TEAD1: variants seen among roughly 807,000 people sequenced by gnomAD.
TEAD1 encodes transcriptional enhancer factor TEF-1.
TEAD1 carries 9 observed loss-of-function variants against 54.9 expected under a neutral mutation model. That is an observed-to-expected ratio of 0.16 (90% confidence interval 0.10 to 0.29). The LOEUF is 0.29. Among genes scored for constraint, TEAD1 ranks in the 10% least tolerant of loss-of-function variants. The pLI is 1.00. For synonymous variants in TEAD1, 200 were observed against 187.8 expected (o/e 1.07, Z -0.53); for missense variants, 387 against 535.9 (o/e 0.72, Z 2.74).
At chr11:12,910,187 C>T (rs1044747474) in intron 10 of TEAD1, among the ~76,000 whole-genome samples, 1 of 152,104 alleles carries the variant, frequency 6.6e-6, no homozygotes, top group Non-Finnish European at 1.5e-5. Context: ...TCATGCATCC[C>T]GAAGGACAAA....
chr11:12,716,469 T>C (rs931638940), intron 2 of TEAD1, among the ~76,000 whole-genome samples: 6 of 152,194 alleles, frequency 3.9e-5, no homozygotes, highest in African/African-American at 9.6e-5. Flanking sequence ...CTTTTTATTT[T>C]CCCCCCAGAC....
At chr11:12,834,334 C>G (rs1360845373) in intron 3 of TEAD1, among the ~76,000 whole-genome samples, 1 of 152,172 alleles carries the variant, frequency 6.6e-6, no homozygotes. Context: ...TCCATGGAAA[C>G]TTTGGACTTG....
chr11:12,734,506 T>G (rs1186075671), intron 2 of TEAD1, among the ~76,000 whole-genome samples: 5 of 152,216 alleles, frequency 3.3e-5, no homozygotes, highest in Non-Finnish European at 5.9e-5. Context: ...GCCTTCACAT[T>G]CACTCACCAC....
chr11:12,841,221 TTA>T (rs1208927818), intron 3 of TEAD1, among the ~76,000 whole-genome samples: 10 of 152,350 alleles, frequency 6.6e-5, no homozygotes, highest in African/African-American at 2.4e-4. Context: ...CCTGCGTCTC[TTA>T]TACACCATGG....
chr11:12,921,102 T>C (rs950725798), intron 10 of TEAD1: 2 of 152,224 alleles, frequency 1.3e-5, no homozygotes, highest in African/African-American at 4.8e-5. Flanking sequence ...ACCTAAGTGC[T>C]GAATATCTCT....
chr11:12,761,226 G>A (rs184326440), intron 2 of TEAD1, among the ~76,000 whole-genome samples: 45 of 152,274 alleles, frequency 3.0e-4, no homozygotes, highest in Admixed American at 6.5e-4. Flanking sequence ...AATAAGAAGA[G>A]GTTGTCTGCA....
At chr11:12,715,539 C>T (rs1479884251) in intron 2 of TEAD1, among the ~76,000 whole-genome samples, 1 of 151,938 alleles carries the variant, frequency 6.6e-6, no homozygotes, top group East Asian at 1.9e-4. Flanking sequence ...TTCTGGAAGC[C>T]GCAGCAGGCT....
intron 9 of TEAD1, among the ~76,000 whole-genome samples, chr11:12,885,706 A>G (rs1948073398): frequency 6.6e-6 from 1 of 152,186 alleles, no homozygotes; most frequent in South Asian, 2.1e-4. Context: ...TCTTTTTTTA[A>G]AAGAAATTAA....
intron 2 of TEAD1, among the ~76,000 whole-genome samples, chr11:12,749,005 G>A (rs766624670): frequency 5.3e-5 from 8 of 152,156 alleles, no homozygotes; most frequent in East Asian, 1.9e-4. Context: ...GAGAGGAGGC[G>A]GTGGGATTCT....
At chr11:12,817,720 G>C (rs983469491) in intron 3 of TEAD1, among the ~76,000 whole-genome samples, 1 of 152,112 alleles carries the variant, frequency 6.6e-6, no homozygotes, top group Non-Finnish European at 1.5e-5. Context: ...CTTGCAATGG[G>C]ACCAAACTAT....
chr11:12,818,070 G>T (rs1946453214), intron 3 of TEAD1, among the ~76,000 whole-genome samples: 1 of 152,174 alleles, frequency 6.6e-6, no homozygotes, highest in African/African-American at 2.4e-5. Context: ...ATAGGAAATT[G>T]GGAGACATGC....
intron 2 of TEAD1, among the ~76,000 whole-genome samples, chr11:12,710,575 A>T (rs1014552070): frequency 7.2e-5 from 11 of 152,146 alleles, no homozygotes; most frequent in African/African-American, 2.2e-4. Flanking sequence ...CATTTATTTA[A>T]TAAAGAGGGA....
At position 12,943,886 on chromosome 11, in the gene TEAD1, C is replaced by T. The variant is rs1261871738; in HGVS notation, c.*6664C>T. 2 of 150,816 alleles carry T rather than the reference C, an allele frequency of 1.3e-5. No individual in the cohort carries two copies. The highest frequency in any genetic ancestry group is 2.9e-5 in the Non-Finnish European group (2 of 67,842). The allele number at this position is 150,816 out of a possible 1,614,324, so 9.3% of individuals were successfully genotyped here. ...TTCTGTAGGCCTTTTTCAATAGGCT[C>T]ATGACTGCAGACAAGGAAAAAAAAA... On this transcript the variant is annotated 3_prime_UTR_variant, in exon 13 of 13. Coordinates refer to ENST00000527636, the MANE Select transcript of TEAD1 (RefSeq NM_021961.6).
intron 3 of TEAD1, among the ~76,000 whole-genome samples, chr11:12,812,082 T>TA (rs1484846564): frequency 2.6e-5 from 4 of 152,154 alleles, no homozygotes; most frequent in East Asian, 1.9e-4. Flanking sequence ...CACAGAGAGT[T>TA]ATGCACCATT....
intron 3 of TEAD1, among the ~76,000 whole-genome samples, chr11:12,783,374 C>A (rs977836537): frequency 5.6e-4 from 85 of 152,058 alleles, no homozygotes; most frequent in African/African-American, 2.0e-3. Context: ...AAAAGCTTTG[C>A]AGTTGGCGCT....
chr11:12,885,631 G>A (rs988163277), intron 9 of TEAD1, among the ~76,000 whole-genome samples: 3 of 152,126 alleles, frequency 2.0e-5, no homozygotes, highest in African/African-American at 7.2e-5. Context: ...ACACTGGGAG[G>A]CAAAAGTCCC....
chr11:12,736,978 A>G lies in TEAD1; in HGVS notation c.-54-27201A>G, dbSNP rs1286558091. Among the ~76,000 whole-genome samples, 5 of 152,226 alleles carry G rather than the reference A, an allele frequency of 3.3e-5. No homozygotes were observed. In the East Asian group the frequency reaches 5.8e-4, roughly 18 times the overall value. On this transcript the variant is annotated intron_variant, in intron 2 of 12. Coordinates refer to ENST00000527636, the MANE Select transcript of TEAD1 (RefSeq NM_021961.6). Reference sequence around the variant, plus strand: ...TATATGTATGTATTAAATATAGTCAATAATACTTTATGGGACTTGAAGAAA... The same window carrying G: ...TATATGTATGTATTAAATATAGTCAGTAATACTTTATGGGACTTGAAGAAA...
At chr11:12,805,980 C>T (rs1946163317) in intron 3 of TEAD1, among the ~76,000 whole-genome samples, 1 of 152,114 alleles carries the variant, frequency 6.6e-6, no homozygotes, top group Non-Finnish European at 1.5e-5. Context: ...GTGAGCTTCT[C>T]ATTAGTCCAT....
chr11:12,736,049 G>C (rs140207904), intron 2 of TEAD1, among the ~76,000 whole-genome samples: 80 of 152,282 alleles, frequency 5.3e-4, no homozygotes, highest in African/African-American at 1.8e-3. Context: ...AAGCCTTCAA[G>C]TGCTTCATCA....
Sources: gnomAD v4.1 joint callset for allele counts (sites outside exome capture counted in the v4.1 genomes callset) on GRCh38, gnomAD v4.1.1 for gene constraint, MANE v1.5 for transcripts, NCBI Gene and HGNC (gene_info 2026-07-23, HGNC 2026-07-21) for gene names.